CSMD1: variants seen among roughly 807,000 people sequenced by gnomAD.
CSMD1 encodes CUB and sushi domain-containing protein 1.
Under a neutral mutation model 417.5 loss-of-function variants are expected in CSMD1, and 213 were observed. That is an observed-to-expected ratio of 0.51 (90% confidence interval 0.46 to 0.57). The LOEUF (loss-of-function observed/expected upper bound fraction) is 0.57. CSMD1 is among the 20% of genes least tolerant of loss of function. The probability of loss-of-function intolerance (pLI) is 0.00; values close to 1 mark genes in which losing one functional copy is unlikely to be tolerated. For synonymous variants in CSMD1, 2,862 were observed against 1,736.8 expected (o/e 1.65, Z -16.11); for missense variants, 6,923 against 4,529.7 (o/e 1.53, Z -15.17).
chr8:3,992,248 C>G (rs1488610851), intron 5 of CSMD1, among the ~76,000 whole-genome samples: 2 of 151,938 alleles, frequency 1.3e-5, no homozygotes, highest in Non-Finnish European at 2.9e-5. Flanking sequence ...AACAACACTT[C>G]TAAGCTCTAT....
At chr8:3,845,772 C>T (rs1169815657) in intron 5 of CSMD1, among the ~76,000 whole-genome samples, 1 of 152,114 alleles carries the variant, frequency 6.6e-6, no homozygotes, top group Non-Finnish European at 1.5e-5. Flanking sequence ...ATACTTTGTA[C>T]AGCTGTATAA....
intron 5 of CSMD1, among the ~76,000 whole-genome samples, chr8:3,864,606 T>C (rs543050875): frequency 6.6e-6 from 1 of 152,148 alleles, no homozygotes; most frequent in Non-Finnish European, 1.5e-5. Flanking sequence ...CTCCTAGTGT[T>C]ATCCCTCCCC....
At chr8:3,571,756 G>GAGACAAC in intron 10 of CSMD1, among the ~76,000 whole-genome samples, 4 of 3,462 alleles carry the variant, frequency 1.2e-3, no homozygotes, top group African/African-American at 5.9e-3. Context: ...CTAAGTCTCC[G>GAGACAAC]TCTGGGGCAA....
chr8:3,485,119 T>C lies in CSMD1; in HGVS notation c.1448+8504A>G, dbSNP rs141497657. 7.3e-3 allele frequency among the ~76,000 whole-genome samples: 1,118 copies of C among 152,286 alleles called. 20 individuals are homozygous for C. Among genetic ancestry groups the C allele is most frequent in the African/African-American group, 0.026 (1,080 of 41,556 alleles). On this transcript the variant is annotated intron_variant, in intron 11 of 69. Transcript: ENST00000635120. ...CATAACAACCTATACACAAATGTCATAGTAGCTTTCTTCATAATAGTCAAA... is the reference window on the plus strand; with the variant it reads ...CATAACAACCTATACACAAATGTCACAGTAGCTTTCTTCATAATAGTCAAA...
intron 3 of CSMD1, among the ~76,000 whole-genome samples, chr8:4,149,895 T>A (rs1271054793): frequency 6.6e-6 from 1 of 152,224 alleles, no homozygotes; most frequent in African/African-American, 2.4e-5. Flanking sequence ...TCCACTCTAA[T>A]GTTCAGTAAT....
intron 18 of CSMD1, among the ~76,000 whole-genome samples, chr8:3,387,237 T>C (rs1462321171): frequency 1.3e-5 from 2 of 152,148 alleles, no homozygotes; most frequent in Admixed American, 1.3e-4. Context: ...GTAAAACACA[T>C]GTGCAGAACT....
intron 3 of CSMD1, among the ~76,000 whole-genome samples, chr8:4,412,148 C>G (rs1321792120): frequency 1.3e-5 from 2 of 152,070 alleles, no homozygotes; most frequent in African/African-American, 4.8e-5. Flanking sequence ...CTAAATATCT[C>G]AATGTGCCTC....
At chr8:3,892,955 C>T (rs1179570823) in intron 5 of CSMD1, among the ~76,000 whole-genome samples, 1 of 124,754 alleles carries the variant, frequency 8.0e-6, no homozygotes, top group Non-Finnish European at 1.8e-5. Flanking sequence ...TTTCTCAAGT[C>T]TGACCACAGT....
chr8:4,989,727 C>T (rs13439499), intron 1 of CSMD1, among the ~76,000 whole-genome samples: 3 of 152,128 alleles, frequency 2.0e-5, no homozygotes, highest in Non-Finnish European at 4.4e-5. Context: ...AAATTCAGCG[C>T]AATAGAGAGT....
At chr8:3,042,396 G>A (rs1035563723) in intron 50 of CSMD1, among the ~76,000 whole-genome samples, 5 of 152,126 alleles carry the variant, frequency 3.3e-5, no homozygotes, top group African/African-American at 7.2e-5. Context: ...CTAGCACAGA[G>A]ACATTTCCTT....
chr8:3,589,846 A>G (rs1318929631), intron 8 of CSMD1, among the ~76,000 whole-genome samples: 1 of 152,178 alleles, frequency 6.6e-6, no homozygotes, highest in African/African-American at 2.4e-5. Flanking sequence ...CCAGACTCTC[A>G]TGTACACCAT....
At chr8:3,099,125 C>T (rs1366352032) in intron 46 of CSMD1, among the ~76,000 whole-genome samples, 1 of 151,978 alleles carries the variant, frequency 6.6e-6, no homozygotes, top group East Asian at 1.9e-4. Flanking sequence ...CATTTCTAAG[C>T]CTTATCCAAG....
At position 4,956,351 on chromosome 8, in the gene CSMD1, A is replaced by C. The variant is rs1437749711; in HGVS notation, c.85+37981T>G. Among the ~76,000 whole-genome samples, 3 of 151,338 alleles carry C rather than the reference A, an allele frequency of 2.0e-5. No homozygotes were observed. In the South Asian group the frequency reaches 6.3e-4, roughly 32 times the overall value. On this transcript the variant is annotated intron_variant, in intron 1 of 69. Coordinates refer to ENST00000635120, the MANE Select transcript of CSMD1 (RefSeq NM_033225.6). ...TAATTAACATCCACTATAAATGTAT[A>C]CTTGTTTACCGTAAGATAGGATGAT...
chr8:4,866,618 A>G (rs1027248535), intron 1 of CSMD1, among the ~76,000 whole-genome samples: 1 of 151,982 alleles, frequency 6.6e-6, no homozygotes, highest in Admixed American at 6.6e-5. Context: ...TAGCTGAGTC[A>G]TAACCTCAAA....
At chr8:3,469,815 A>C (rs77458195) in intron 11 of CSMD1, among the ~76,000 whole-genome samples, 5,495 of 152,310 alleles carry the variant, frequency 0.036, 178 homozygotes, top group East Asian at 0.15. Context: ...AACTCATGCA[A>C]TGTTACACAC....
chr8:3,156,603 C>G (rs923833004), intron 39 of CSMD1, among the ~76,000 whole-genome samples: 2 of 152,016 alleles, frequency 1.3e-5, no homozygotes, highest in African/African-American at 4.8e-5. Flanking sequence ...GACACTCTCT[C>G]CAGTGCAAAA....
chr8:3,830,243 A>C (rs1229714920), intron 5 of CSMD1, among the ~76,000 whole-genome samples: 1 of 152,210 alleles, frequency 6.6e-6, no homozygotes, highest in Admixed American at 6.5e-5. Context: ...GTGATCATAC[A>C]TGATAGAGCA....
At chr8:4,084,106 G>C (rs533147773) in intron 3 of CSMD1, among the ~76,000 whole-genome samples, 1 of 152,180 alleles carries the variant, frequency 6.6e-6, no homozygotes, top group South Asian at 2.1e-4. Flanking sequence ...CTTCGGAAAG[G>C]TAAAACCACA....
chr8:4,962,027 T>C lies in CSMD1; in HGVS notation c.85+32305A>G, dbSNP rs202046451. Among the ~76,000 whole-genome samples, 5 of 151,944 alleles carry C rather than the reference T, an allele frequency of 3.3e-5. No homozygotes were observed. The East Asian group carries it at 9.7e-4, about 29-fold the overall frequency. On this transcript the variant is annotated intron_variant, in intron 1 of 69. Transcript: ENST00000635120. The stretch of plus-strand genomic sequence containing the variant: ...TCTGTTATCTCTCTGAGATTAGTAA[T>C]AACTTTGGGAAGGTTTTTTTGATTT...
Sources: gnomAD v4.1 joint callset for allele counts (sites outside exome capture counted in the v4.1 genomes callset) on GRCh38, gnomAD v4.1.1 for gene constraint, MANE v1.5 for transcripts, NCBI Gene and HGNC (gene_info 2026-07-23, HGNC 2026-07-21) for gene names.